ANKRD27: variants seen among roughly 807,000 people sequenced by gnomAD.
ANKRD27 encodes the protein ankyrin repeat domain-containing protein 27.
ANKRD27 carries 112 observed loss-of-function variants against 129.7 expected under a neutral mutation model. That is an observed-to-expected ratio of 0.86 (90% CI 0.74 to 1.01). The LOEUF is 1.01. Among genes scored for constraint, ANKRD27 ranks in the 50% least tolerant of loss-of-function variants. The pLI is 0.00. For synonymous variants in ANKRD27, 516 were observed against 511.2 expected (o/e 1.01, Z -0.13); for missense variants, 1,258 against 1,300.5 (o/e 0.97, Z 0.50).
intron 12 of ANKRD27, among the ~76,000 whole-genome samples, chr19:32,636,965 C>T (rs1967102837): frequency 6.6e-6 from 1 of 152,162 alleles, no homozygotes; most frequent in African/African-American, 2.4e-5. Context: ...CCAGGCTGGT[C>T]TCGAACTCCT....
In ANKRD27 at chr19:32,603,783, C is replaced by T. The variant is rs181821872; in HGVS notation, c.2655+480G>A. 4.9e-4 allele frequency among the ~76,000 whole-genome samples: 74 copies of T among 152,330 alleles called. 1 individual carries two copies. The highest frequency in any genetic ancestry group is 5.8e-4 in the East Asian group (3 of 5,188). ...TGAGCTCCTGCGCTCAAGTGATCCT[C>T]CTTCCTTGGCCTCCCAAAGTGCTGG... On this transcript the variant is annotated intron_variant, in intron 25 of 28. Coordinates refer to ENST00000306065, the MANE Select transcript of ANKRD27 (RefSeq NM_032139.3).
At chr19:32,618,440 T>C (rs1389992688) in intron 20 of ANKRD27, among the ~76,000 whole-genome samples, 1 of 118,280 alleles carries the variant, frequency 8.5e-6, no homozygotes, top group East Asian at 2.3e-4. Flanking sequence ...AGTGAGACCG[T>C]GTCCCAAAAA....
intron 28 of ANKRD27, among the ~76,000 whole-genome samples, 189 bp from the exon 29 acceptor site, chr19:32,598,567 G>C (rs960043478): frequency 1.3e-4 from 20 of 152,146 alleles, no homozygotes; most frequent in Non-Finnish European, 2.5e-4. Context: ...CAGAGTAAAT[G>C]TTTCACTTGT....
In ANKRD27 at chr19:32,597,701, T is replaced by C. The variant is rs545283272; in HGVS notation, c.*444A>G. ...TTTCAGCCTGGCCTCTACAGTACCA[T>C]GAAACCTAAATTACTTACTTCTCTC... On this transcript the variant is annotated 3_prime_UTR_variant, in exon 29 of 29. Transcript: ENST00000306065. 3 of 179,934 alleles carry C rather than the reference T, an allele frequency of 1.7e-5. No homozygotes were observed. Among genetic ancestry groups the C allele is most frequent in the East Asian group, 2.7e-4 (2 of 7,408 alleles). The allele number at this position is 179,934 out of a possible 1,614,324, so 11.1% of individuals were successfully genotyped here. A position where few individuals can be genotyped will look rare whatever the true frequency, so the allele number is the denominator to read the frequency against.
chr19:32,617,988 C>A lies in ANKRD27; in HGVS notation c.2008-355G>T, dbSNP rs549811067. Among the ~76,000 whole-genome samples, 1,148 of 151,980 alleles carry A rather than the reference C, an allele frequency of 7.6e-3. 17 individuals are homozygous for A. The highest frequency in any genetic ancestry group is 7.2e-3 in the Non-Finnish European group (491 of 67,988). ...GGTCAGGCTGGTCTCAAACTCCCGACCTCAGGTGATCCGCCCACCTCGGCC... is the reference window on the plus strand; with the variant it reads ...GGTCAGGCTGGTCTCAAACTCCCGAACTCAGGTGATCCGCCCACCTCGGCC... On this transcript the variant is annotated intron_variant, in intron 20 of 28. Coordinates refer to ENST00000306065, the MANE Select transcript of ANKRD27 (RefSeq NM_032139.3).
chr19:32,620,255 T>TAAA (rs202019061), intron 18 of ANKRD27, among the ~76,000 whole-genome samples: 7 of 132,270 alleles, frequency 5.3e-5, no homozygotes, highest in African/African-American at 1.4e-4. Context: ...ACAAAATAAT[T>TAAA]TAAAAAAAAA....
rs138473952 is a variant in ANKRD27, at chr19:32,622,584, C to T, written c.1665G>A (p.Ser555=). The T allele has an allele frequency of 1.3e-5, 21 of 1,613,740 alleles. No individual in the cohort carries two copies. Among genetic ancestry groups the T allele is most frequent in the African/African-American group, 4.0e-5 (3 of 74,832 alleles). ...TCTCATTGCCAATGTCAAGTCTGCA[C>T]GACTCCACGTCGTAGTAAACCAGAG... ...VKALVYYDVE[S]CRLDIGNEKG... Residue 555 remains serine, a synonymous_variant, in exon 18 of 29, where the codon TCG becomes TCA. Coordinates refer to ENST00000306065, the MANE Select transcript of ANKRD27 (RefSeq NM_032139.3).
chr19:32,659,035 G>T lies in ANKRD27; in HGVS notation c.-20C>A. ...AGCCATATGGACTTCAGATGGGTCA[G>T]AGCAAATCTCCTGCAATAAGGGAGG... On this transcript the variant is annotated 5_prime_UTR_variant, in exon 2 of 29. In the 5' UTR this introduces an upstream ATG that the reference lacks. Transcript: ENST00000306065. 1 of 1,563,854 alleles carries T rather than the reference G, an allele frequency of 6.4e-7. No individual in the cohort carries two copies. Among genetic ancestry groups the T allele is most frequent in the Non-Finnish European group, 8.8e-7 (1 of 1,134,600 alleles).
At position 32,640,321 on chromosome 19, in the gene ANKRD27, C is replaced by T. The variant is rs10410241; in HGVS notation, c.969G>A (p.Thr323=). ...LSVLLYLLVK[T]EIPNWMANLS... ...GAAAATGTTACCAATTAGGGATCTC[C>T]GTTTTCACAAGCAAGTATAACAGGA... Residue 323 remains threonine, a synonymous_variant, in exon 11 of 29, where the codon ACG becomes ACA. Coordinates refer to ENST00000306065, the MANE Select transcript of ANKRD27 (RefSeq NM_032139.3). 19,786 of 1,613,518 alleles carry T rather than the reference C, an allele frequency of 0.012. 2,099 individuals are homozygous for T. The African/African-American group carries it at 0.23, about 19-fold the overall frequency.
intron 4 of ANKRD27, 96 bp from the exon 5 acceptor site, chr19:32,644,575 C>T: frequency 1.4e-6 from 2 of 1,383,334 alleles, no homozygotes; most frequent in Non-Finnish European, 9.9e-7. Context: ...GGGAGGAGGG[C>T]AAATGTCCTT....
chr19:32,667,892 T>A (rs1469012141), intron 1 of ANKRD27, among the ~76,000 whole-genome samples: 1 of 151,706 alleles, frequency 6.6e-6, no homozygotes, highest in Non-Finnish European at 1.5e-5. Context: ...CTCTCTTCAT[T>A]AAAATGAGAA....
intron 27 of ANKRD27, 41 bp downstream of exon 27, chr19:32,599,930 TA>T (rs1568393228): frequency 1.3e-6 from 2 of 1,571,230 alleles, no homozygotes; most frequent in Non-Finnish European, 1.7e-6. Flanking sequence ...TGGAGTAAAC[TA>T]GGGGCAAAAG....
At chr19:32,674,154 C>A (rs1180218452) in intron 1 of ANKRD27, among the ~76,000 whole-genome samples, 1 of 151,822 alleles carries the variant, frequency 6.6e-6, no homozygotes, top group Non-Finnish European at 1.5e-5. Context: ...CAGACCCTGT[C>A]TCAAAAAGAA....
chr19:32,608,193 T>G, intron 22 of ANKRD27: 1 of 257,274 alleles, frequency 3.9e-6, no homozygotes, highest in Non-Finnish European at 7.3e-6. Context: ...TTTTTTTTTG[T>G]AGAGATGGGG....
At chr19:32,658,867 TG>T in intron 2 of ANKRD27, 46 bp downstream of exon 2, 1 of 1,465,752 alleles carries the variant, frequency 6.8e-7, no homozygotes, top group Non-Finnish European at 9.6e-7. Context: ...ACCACGTCTC[TG>T]GAACCATTCA....
At position 32,597,952 on chromosome 19, in the gene ANKRD27, GGA is replaced by G. The variant is rs931924622; in HGVS notation, c.*191_*192del. ...CAATTGTATTCATTAGCTTTGAAGA[GGA>G]GAGAGATGGTGGTGGTTAACTTTTT... On this transcript the variant is annotated 3_prime_UTR_variant, in exon 29 of 29. Coordinates refer to ENST00000306065, the MANE Select transcript of ANKRD27 (RefSeq NM_032139.3). 1.3e-5 allele frequency: 8 copies of G among 599,292 alleles called. No individual in the cohort carries two copies. The African/African-American group carries it at 1.5e-4, about 11-fold the overall frequency. The allele number at this position is 599,292 out of a possible 1,614,324, so 37.1% of individuals were successfully genotyped here.
chr19:32,653,285 T>C (rs373353746), intron 2 of ANKRD27, among the ~76,000 whole-genome samples: 306 of 152,288 alleles, frequency 2.0e-3, no homozygotes, highest in African/African-American at 7.1e-3. Flanking sequence ...TTAGAAGACA[T>C]GCTGCTAGGC....
At position 32,617,569 on chromosome 19, in the gene ANKRD27, A is replaced by G. The variant is rs765492048; in HGVS notation, c.2052+20T>C. The G allele has an allele frequency of 1.3e-6, 1 of 744,798 alleles. No individual in the cohort carries two copies. Among genetic ancestry groups the G allele is most frequent in the South Asian group, 1.5e-5 (1 of 67,720 alleles). The allele number at this position is 744,798 out of a possible 1,614,324, so 46.1% of individuals were successfully genotyped here. On this transcript the variant is annotated intron_variant, in intron 21 of 28. Coordinates refer to ENST00000306065, the MANE Select transcript of ANKRD27 (RefSeq NM_032139.3). ...CTCTAAAAAATAAAAATAAAATAAA[A>G]AGCACTTCTAAAAACTCACCATTTC...
rs113030705 is a variant in ANKRD27, at chr19:32,646,685, G to T, written c.214-70C>A. The T allele has an allele frequency of 3.3e-6, 5 of 1,533,200 alleles. No individual in the cohort carries two copies. The East Asian group carries it at 9.2e-5, about 28-fold the overall frequency. The allele number at this position is 1,533,200 out of a possible 1,614,324, so 95.0% of individuals were successfully genotyped here. ...ACATCCCACTCTCAGCCTGGCCCCCGATGCAGCACTTAACCAGACCCTACG... is the reference window on the plus strand; with the variant it reads ...ACATCCCACTCTCAGCCTGGCCCCCTATGCAGCACTTAACCAGACCCTACG... On this transcript the variant is annotated intron_variant, in intron 3 of 28. Transcript: ENST00000306065.
Sources: gnomAD v4.1 joint callset for allele counts (sites outside exome capture counted in the v4.1 genomes callset) on GRCh38, gnomAD v4.1.1 for gene constraint, MANE v1.5 for transcripts, NCBI Gene and HGNC (gene_info 2026-07-23, HGNC 2026-07-21) for gene names.